HOOK3: variants seen among roughly 807,000 people sequenced by gnomAD.
HOOK3 encodes hook microtubule tethering protein 3, also known as protein Hook homolog 3.
In HOOK3, 24 loss-of-function variants were observed where a neutral mutation model predicts 116.3. The ratio of observed to expected loss-of-function variants is 0.21; its 90% CI spans 0.15 to 0.29. HOOK3 has a LOEUF of 0.29. Among genes scored for constraint, HOOK3 ranks in the 10% least tolerant of loss-of-function variants. HOOK3 has a pLI of 1.00. For missense variants in HOOK3, 632 were observed against 830.2 expected (o/e 0.76, Z 2.93); for synonymous variants, 275 against 283.0 (o/e 0.97, Z 0.28).
chr8:42,931,302 C>T lies in HOOK3; in HGVS notation c.267+1130C>T, dbSNP rs1482100422. Among the ~76,000 whole-genome samples, 6 of 152,260 alleles carry T rather than the reference C, an allele frequency of 3.9e-5. No individual in the cohort carries two copies. The South Asian group carries it at 1.2e-3, about 32-fold the overall frequency. On this transcript the variant is annotated intron_variant, in intron 4 of 21. Transcript: ENST00000307602. ...CTCAGCCAGGGCCACATTCACCCCTCAGCCCCATTATTCAGTCACATCACC... is the reference window on the plus strand; with the variant it reads ...CTCAGCCAGGGCCACATTCACCCCTTAGCCCCATTATTCAGTCACATCACC...
chr8:42,925,309 G>A (rs945523032), intron 2 of HOOK3, among the ~76,000 whole-genome samples: 1 of 151,946 alleles, frequency 6.6e-6, no homozygotes, highest in African/African-American at 2.4e-5. Flanking sequence ...TGTTGGCCAG[G>A]TGTGGTCTTG....
In HOOK3 at chr8:43,005,846, C is replaced by G. The variant is rs770031100; in HGVS notation, c.1656-2001C>G. On this transcript the variant is annotated intron_variant, in intron 17 of 21. Transcript: ENST00000307602. Reference sequence around the variant, plus strand: ...AAGTAGCTGGGATTACAGGCCCCCCCCCACCACACCCAGCTCATTTTTGTA... The same window carrying G: ...AAGTAGCTGGGATTACAGGCCCCCCGCCACCACACCCAGCTCATTTTTGTA... Among the ~76,000 whole-genome samples, 405 of 149,988 alleles carry G rather than the reference C, an allele frequency of 2.7e-3. 3 individuals are homozygous for G. Among genetic ancestry groups the G allele is most frequent in the Middle Eastern group, 3.5e-3 (1 of 288 alleles).
rs372716570 is a variant in HOOK3, at chr8:42,906,209, G to T, written c.94G>T (p.Val32Leu). The T allele has an allele frequency of 8.3e-6, 13 of 1,563,514 alleles. No individual in the cohort carries two copies. In the Admixed American group the frequency reaches 2.3e-4, roughly 27 times the overall value. The change falls in exon 2 of 22, where the codon GTG becomes TTG. Residue 32 changes from valine to leucine, a missense_variant. Transcript: ENST00000307602. ...TFNVDAPCQT[V>L]EDLTNGVVMA... ...TAATGTGGATGCACCATGCCAGACC[G>T]TGGAAGATTTAACGAATGGGGTTGT... is the stretch of plus-strand genomic sequence containing the variant.
chr8:42,996,011 G>C (rs980773771), intron 15 of HOOK3, among the ~76,000 whole-genome samples: 1 of 152,000 alleles, frequency 6.6e-6, no homozygotes, highest in Admixed American at 6.6e-5. Context: ...TTCCCTTCTT[G>C]CAATCCTTCA....
At chr8:43,009,831 C>T (rs1471862349) in intron 18 of HOOK3, among the ~76,000 whole-genome samples, 1 of 152,162 alleles carries the variant, frequency 6.6e-6, no homozygotes, top group African/African-American at 2.4e-5. Flanking sequence ...TCCTTCCTCT[C>T]CCCAGCCGCT....
chr8:42,979,398 C>G (rs965246926), intron 13 of HOOK3, among the ~76,000 whole-genome samples: 2 of 152,136 alleles, frequency 1.3e-5, no homozygotes, highest in Non-Finnish European at 2.9e-5. Flanking sequence ...GAAAACTGCT[C>G]TTTCTCCTAG....
At chr8:42,984,439 G>A (rs1449036834) in intron 14 of HOOK3, among the ~76,000 whole-genome samples, 4 of 151,904 alleles carry the variant, frequency 2.6e-5, no homozygotes, top group Admixed American at 2.6e-4. Context: ...AGTATTTTGT[G>A]TACCTTTTTC....
intron 4 of HOOK3, among the ~76,000 whole-genome samples, chr8:42,940,272 G>T (rs1484716487): frequency 6.6e-6 from 1 of 152,256 alleles, no homozygotes; most frequent in Non-Finnish European, 1.5e-5. Flanking sequence ...TCGCGGCTAG[G>T]AGCTGGAGAC....
At chr8:42,959,066 T>C (rs1322487116) in intron 7 of HOOK3, among the ~76,000 whole-genome samples, 165 bp from the exon 8 acceptor site, 1 of 152,146 alleles carries the variant, frequency 6.6e-6, no homozygotes, top group East Asian at 1.9e-4. Context: ...AATTTAAAGT[T>C]AAAAGTGCTG....
chr8:42,973,736 A>AG (rs1808768230), intron 12 of HOOK3, among the ~76,000 whole-genome samples: 2 of 152,190 alleles, frequency 1.3e-5, no homozygotes, highest in African/African-American at 4.8e-5. Flanking sequence ...GTTGTTCAGC[A>AG]TATTTCAAAT....
At chr8:42,906,396 G>C in intron 2 of HOOK3, 138 bp downstream of exon 2, 1 of 639,770 alleles carries the variant, frequency 1.6e-6, no homozygotes, top group Admixed American at 2.8e-5. Context: ...AGTTTTAATG[G>C]AATGTACTTA....
Position 43,028,452 on chromosome 8 carries a change from GATATCCTTCCTTTT to G in HOOK3, c.*9956_*9969del. On this transcript the variant is annotated 3_prime_UTR_variant, in exon 22 of 22. Coordinates refer to ENST00000307602, the MANE Select transcript of HOOK3 (RefSeq NM_032410.4). ...TCAAATAAAGATTGATAGATTTAAT[GATATCCTTCCTTTT>G]AAATTTATATAGATCTAATGAACAT... The G allele has an allele frequency of 1.1e-5, 2 of 186,646 alleles. No individual in the cohort carries two copies. Among genetic ancestry groups the G allele is most frequent in the Non-Finnish European group, 1.1e-5 (1 of 88,372 alleles). The allele number at this position is 186,646 out of a possible 1,614,324, so 11.6% of individuals were successfully genotyped here. A position where few individuals can be genotyped will look rare whatever the true frequency, so the allele number is the denominator to read the frequency against.
intron 21 of HOOK3, among the ~76,000 whole-genome samples, chr8:43,016,263 G>A (rs931877747): frequency 1.3e-5 from 2 of 151,714 alleles, no homozygotes; most frequent in African/African-American, 4.8e-5. Context: ...GACTACAGGC[G>A]CCCGACACCA....
rs532490281 is a variant in HOOK3 at position 42,925,752 on chromosome 8, G to A, written c.216+123G>A. 2.3e-4 allele frequency: 148 copies of A among 635,516 alleles called. No individual in the cohort carries two copies. In the African/African-American group the frequency reaches 2.4e-3, roughly 10 times the overall value. 39.4% of individuals were successfully genotyped at this position (635,516 alleles called of 1,614,324 possible). A position where few individuals can be genotyped will look rare whatever the true frequency, so the allele number is the denominator to read the frequency against. On this transcript the variant is annotated intron_variant, in intron 3 of 21. Coordinates refer to ENST00000307602, the MANE Select transcript of HOOK3 (RefSeq NM_032410.4). ...CTTAGGTAGCCTGTAATGAAATAAT[G>A]TAGAATTGAAGATTGAACTCACCTG...
intron 8 of HOOK3, among the ~76,000 whole-genome samples, chr8:42,963,202 C>G (rs1808569025): frequency 6.6e-6 from 1 of 152,016 alleles, no homozygotes. Flanking sequence ...TTGAGTATTC[C>G]ATATATGAAA....
intron 8 of HOOK3, among the ~76,000 whole-genome samples, chr8:42,961,442 A>G (rs1271645944): frequency 1.3e-5 from 2 of 152,200 alleles, no homozygotes; most frequent in African/African-American, 4.8e-5. Flanking sequence ...GAGTGAGTGA[A>G]TGAGTGGGTG....
intron 17 of HOOK3, 98 bp downstream of exon 17, chr8:43,002,239 C>T (rs1809395337): frequency 2.4e-6 from 2 of 835,998 alleles, no homozygotes; most frequent in East Asian, 2.5e-5. Flanking sequence ...CACAGGTGGC[C>T]CTTGAAGAAA....
At chr8:42,988,261 G>C (rs563488780) in intron 15 of HOOK3, among the ~76,000 whole-genome samples, 1 of 152,324 alleles carries the variant, frequency 6.6e-6, no homozygotes, top group Admixed American at 6.5e-5. Flanking sequence ...GGGAGCAGCT[G>C]GCGGGTGGGC....
At chr8:42,946,932 G>A (rs1038682744) in intron 5 of HOOK3, among the ~76,000 whole-genome samples, 4 of 151,536 alleles carry the variant, frequency 2.6e-5, no homozygotes, top group South Asian at 2.1e-4. Flanking sequence ...CACCACGCCC[G>A]GCTAATTTTT....
Sources: gnomAD v4.1 joint callset for allele counts (sites outside exome capture counted in the v4.1 genomes callset) on GRCh38, gnomAD v4.1.1 for gene constraint, MANE v1.5 for transcripts, NCBI Gene and HGNC (gene_info 2026-07-23, HGNC 2026-07-21) for gene names.